Variants in IQCJ observed in about 807,000 individuals in gnomAD.
IQCJ encodes IQ domain-containing protein J.
IQCJ carries 9 observed loss-of-function variants against 11.0 expected under a neutral mutation model. The observed-to-expected ratio is 0.82, with a 90% confidence interval of 0.49 to 1.43. IQCJ has a LOEUF of 1.43. Among genes scored for constraint, IQCJ ranks in the 40% most tolerant of loss-of-function variants. The pLI, the probability that IQCJ is intolerant of heterozygous loss-of-function variation, is 0.00. For synonymous variants in IQCJ, 55 were observed against 51.3 expected, an observed-to-expected ratio of 1.07 and a Z score of -0.31; for missense variants, 146 against 133.2, an observed-to-expected ratio of 1.10 and a Z score of -0.47.
At chr3:159,088,217 A>G (rs1199465555) in intron 1 of IQCJ, among the ~76,000 whole-genome samples, 1 of 152,042 alleles carries the variant, frequency 6.6e-6, no homozygotes, top group Admixed American at 6.5e-5. Flanking sequence ...GTTTCCATGT[A>G]GTTGAGCGGT....
chr3:159,146,531 C>A (rs1720936213), intron 1 of IQCJ, among the ~76,000 whole-genome samples: 1 of 152,078 alleles, frequency 6.6e-6, no homozygotes, highest in Non-Finnish European at 1.5e-5. Flanking sequence ...GGATTGGTTG[C>A]ATAGATGGTG....
At chr3:159,159,924 T>C (rs1721743102) in intron 1 of IQCJ, among the ~76,000 whole-genome samples, 1 of 152,108 alleles carries the variant, frequency 6.6e-6, no homozygotes, top group Admixed American at 6.6e-5. Flanking sequence ...AGGCCCTCAC[T>C]AGAAGTAGAT....
intron 1 of IQCJ, among the ~76,000 whole-genome samples, chr3:159,103,166 A>G (rs936546007): frequency 2.6e-5 from 4 of 152,194 alleles, no homozygotes; most frequent in Non-Finnish European, 5.9e-5. Flanking sequence ...CAAAGATTTC[A>G]CCTGAAGATT....
chr3:159,192,186 C>A (rs1723728100), intron 1 of IQCJ, among the ~76,000 whole-genome samples: 1 of 152,148 alleles, frequency 6.6e-6, no homozygotes, highest in South Asian at 2.1e-4. Flanking sequence ...ATTTTGGCTT[C>A]TTTAGGCATA....
intron 1 of IQCJ, among the ~76,000 whole-genome samples, chr3:159,239,678 C>A (rs1726796833): frequency 6.6e-6 from 1 of 152,230 alleles, no homozygotes; most frequent in Non-Finnish European, 1.5e-5. Flanking sequence ...CATTTCCAGT[C>A]CTGCACTGCA....
chr3:159,118,587 G>A (rs949807480), intron 1 of IQCJ, among the ~76,000 whole-genome samples: 1 of 152,216 alleles, frequency 6.6e-6, no homozygotes, highest in Admixed American at 6.5e-5. Flanking sequence ...CAAGGTTACA[G>A]CTAGTTGGTG....
At chr3:159,230,418 G>A (rs1726179174) in intron 1 of IQCJ, among the ~76,000 whole-genome samples, 1 of 152,204 alleles carries the variant, frequency 6.6e-6, no homozygotes, top group African/African-American at 2.4e-5. Context: ...TAACACTTAA[G>A]TTATTGCTGT....
At chr3:159,117,755 T>C (rs1719115218) in intron 1 of IQCJ, among the ~76,000 whole-genome samples, 1 of 152,148 alleles carries the variant, frequency 6.6e-6, no homozygotes. Context: ...CAGTGCTGAA[T>C]AGTAGAGACA....
intron 1 of IQCJ, among the ~76,000 whole-genome samples, chr3:159,146,320 TAAA>T (rs372962323): frequency 2.0e-5 from 3 of 150,400 alleles, no homozygotes. Flanking sequence ...TAAATCCAAG[TAAA>T]AAAAAAGGAG....
At chr3:159,156,742 A>C (rs1721542897) in intron 1 of IQCJ, among the ~76,000 whole-genome samples, 1 of 152,156 alleles carries the variant, frequency 6.6e-6, no homozygotes, top group Non-Finnish European at 1.5e-5. Flanking sequence ...GCATACCCTT[A>C]AGTTCATGCA....
intron 1 of IQCJ, among the ~76,000 whole-genome samples, chr3:159,189,843 A>G (rs921601788): frequency 2.0e-5 from 3 of 152,152 alleles, no homozygotes; most frequent in Non-Finnish European, 4.4e-5. Context: ...GCAAACCTGG[A>G]CTTCCAAGTC....
rs530737974 is a variant in IQCJ at position 159,114,795 on chromosome 3, C to A, written c.9+45354C>A. Among the ~76,000 whole-genome samples the A allele has an allele frequency of 2.0e-5, 3 of 152,262 alleles. No individual in the cohort carries two copies. The South Asian group carries it at 6.2e-4, about 32-fold the overall frequency. ...GGTTTCCAAACTGCCAAAACAATAC[C>A]CCCTTCTCTTAGCTTTACCATTTCC... On this transcript the variant is annotated intron_variant, in intron 1 of 3. Transcript: ENST00000397832.
chr3:159,159,628 T>G (rs562258604), intron 1 of IQCJ, among the ~76,000 whole-genome samples: 3 of 152,280 alleles, frequency 2.0e-5, no homozygotes, highest in Admixed American at 2.0e-4. Flanking sequence ...TTCAAAAACA[T>G]TATCCTGAAA....
At chr3:159,253,952 A>C (rs949709798) in intron 3 of IQCJ, among the ~76,000 whole-genome samples, 2 of 152,250 alleles carry the variant, frequency 1.3e-5, no homozygotes, top group African/African-American at 4.8e-5. Context: ...CTGCATGAGC[A>C]TAGAAGGCTA....
At chr3:159,115,294 C>G (rs1166085941) in intron 1 of IQCJ, among the ~76,000 whole-genome samples, 1 of 152,204 alleles carries the variant, frequency 6.6e-6, no homozygotes, top group Non-Finnish European at 1.5e-5. Context: ...CACCCCCACC[C>G]CCATTAACAC....
At chr3:159,077,416 C>T (rs2221236) in intron 1 of IQCJ, among the ~76,000 whole-genome samples, 9,142 of 152,078 alleles carry the variant, frequency 0.06, 894 homozygotes, top group African/African-American at 0.21. Flanking sequence ...TTGGTTGCAG[C>T]ATTGTTTGTG....
intron 1 of IQCJ, among the ~76,000 whole-genome samples, chr3:159,139,643 T>G (rs1457404743): frequency 6.6e-6 from 1 of 152,166 alleles, no homozygotes; most frequent in East Asian, 1.9e-4. Context: ...GCAGGAGAAA[T>G]GCCCTGTGGG....
intron 1 of IQCJ, among the ~76,000 whole-genome samples, chr3:159,145,116 G>A (rs1720849265): frequency 1.3e-5 from 2 of 152,176 alleles, no homozygotes; most frequent in South Asian, 2.1e-4. Context: ...AGGAGTTTCA[G>A]TCTTTTGCTT....
chr3:159,157,447 G>A (rs970486503), intron 1 of IQCJ, among the ~76,000 whole-genome samples: 4 of 152,044 alleles, frequency 2.6e-5, no homozygotes, highest in Non-Finnish European at 4.4e-5. Context: ...CAATGTTTCT[G>A]GTCAGTGGAA....
Sources: gnomAD v4.1 joint callset for allele counts (sites outside exome capture counted in the v4.1 genomes callset) on GRCh38, gnomAD v4.1.1 for gene constraint, MANE v1.5 for transcripts, NCBI Gene and HGNC (gene_info 2026-07-23, HGNC 2026-07-21) for gene names.